Variants in PTPRT observed in about 807,000 individuals in gnomAD.
PTPRT encodes protein tyrosine phosphatase receptor type T.
PTPRT carries 56 observed loss-of-function variants against 176.8 expected under a neutral mutation model. That is an observed-to-expected ratio of 0.32 (90% CI 0.26 to 0.40). PTPRT has a LOEUF of 0.40. PTPRT is among the 10% of genes least tolerant of loss of function. PTPRT has a pLI of 1.00. For missense variants in PTPRT, 1,540 were observed against 1,908.2 expected (o/e 0.81, Z 3.60); for synonymous variants, 783 against 739.0 (o/e 1.06, Z -0.96).
intron 1 of PTPRT, among the ~76,000 whole-genome samples, chr20:43,088,201 G>A (rs1017209958): frequency 2.6e-5 from 4 of 152,140 alleles, no homozygotes; most frequent in Admixed American, 2.0e-4. Context: ...CAACTTGACT[G>A]AACTGCAATC....
chr20:42,990,297 G>A (rs925509474), intron 1 of PTPRT, among the ~76,000 whole-genome samples: 3 of 151,958 alleles, frequency 2.0e-5, no homozygotes, highest in Non-Finnish European at 4.4e-5. Flanking sequence ...CTAGAGAAAC[G>A]GTTGCCAACC....
At chr20:42,180,346 C>T (rs1169187365) in intron 16 of PTPRT, among the ~76,000 whole-genome samples, 2 of 152,282 alleles carry the variant, frequency 1.3e-5, no homozygotes, top group Admixed American at 6.5e-5. Flanking sequence ...ACATGGCTCA[C>T]ATCTGTTACC....
rs751405410 is a variant in PTPRT, at chr20:42,084,780, C to T, written c.4038G>A (p.Thr1346=). 1.2e-5 allele frequency: 18 copies of T among 1,555,688 alleles called. No homozygotes were observed. Among genetic ancestry groups the T allele is most frequent in the East Asian group, 4.7e-5 (2 of 42,756 alleles). The change falls in exon 29 of 31, where the codon ACG becomes ACA. Residue 1346 remains threonine, a synonymous_variant. Transcript: ENST00000373187. ...TGAGCAGAGAGCGCTTGGAGGGGGG[C>T]GTGTCCCGGTAGGCAGGCCAGCCAA... ...QYIGWPAYRD[T]PPSKRSLLKV...
chr20:42,359,373 C>T (rs542129840), intron 9 of PTPRT, among the ~76,000 whole-genome samples: 1 of 152,278 alleles, frequency 6.6e-6, no homozygotes, highest in East Asian at 1.9e-4. Context: ...TGAGTCCTGG[C>T]TGGAGAAGAA....
intron 1 of PTPRT, among the ~76,000 whole-genome samples, chr20:43,112,046 T>C (rs898954599): frequency 1.3e-5 from 2 of 152,176 alleles, no homozygotes; most frequent in African/African-American, 2.4e-5. Context: ...TCCAATCCAC[T>C]TGGGTGGGAC....
At chr20:42,786,204 TAA>T (rs2077288246) in intron 3 of PTPRT, among the ~76,000 whole-genome samples, 1 of 152,188 alleles carries the variant, frequency 6.6e-6, no homozygotes, top group Non-Finnish European at 1.5e-5. Context: ...CTTTTCTTTA[TAA>T]ATTACCCAGT....
intron 1 of PTPRT, among the ~76,000 whole-genome samples, chr20:42,922,923 T>C (rs1021772208): frequency 2.0e-5 from 3 of 151,972 alleles, no homozygotes; most frequent in Admixed American, 6.6e-5. Context: ...CTCAGGAAAA[T>C]CTTCCCTGAC....
At chr20:43,028,135 T>C (rs757551899) in intron 1 of PTPRT, among the ~76,000 whole-genome samples, 5 of 152,204 alleles carry the variant, frequency 3.3e-5, no homozygotes, top group Non-Finnish European at 7.3e-5. Context: ...ATCATACTTG[T>C]TCTTATACCA....
chr20:42,602,458 G>A (rs910255622), intron 7 of PTPRT, among the ~76,000 whole-genome samples: 3 of 151,944 alleles, frequency 2.0e-5, no homozygotes, highest in Admixed American at 6.6e-5. Context: ...ACTTTCTGCC[G>A]GACACTGGTC....
chr20:42,778,165 T>A (rs2077164049), intron 4 of PTPRT, among the ~76,000 whole-genome samples: 1 of 152,194 alleles, frequency 6.6e-6, no homozygotes, highest in Non-Finnish European at 1.5e-5. Flanking sequence ...TTCATGAGAC[T>A]TTGGGGGGTG....
intron 1 of PTPRT, among the ~76,000 whole-genome samples, chr20:43,041,838 CTACACTGGGAAA>C (rs1986619208): frequency 6.6e-6 from 1 of 152,204 alleles, no homozygotes; most frequent in Non-Finnish European, 1.5e-5. Flanking sequence ...TGCTTTCATG[CTACACTGGGAAA>C]ATTGAGTACA....
intron 4 of PTPRT, among the ~76,000 whole-genome samples, chr20:42,772,009 G>A: frequency 6.6e-6 from 1 of 152,214 alleles, no homozygotes; most frequent in East Asian, 1.9e-4. Flanking sequence ...TGGGGGGCAG[G>A]AGGGGTGTAT....
At chr20:42,648,980 G>T (rs956785143) in intron 7 of PTPRT, among the ~76,000 whole-genome samples, 1 of 151,726 alleles carries the variant, frequency 6.6e-6, no homozygotes, top group African/African-American at 2.4e-5. Flanking sequence ...CACCATGCCT[G>T]GCTAATTTTT....
chr20:42,459,141 T>C (rs2070974204), intron 8 of PTPRT, among the ~76,000 whole-genome samples: 1 of 152,172 alleles, frequency 6.6e-6, no homozygotes, highest in African/African-American at 2.4e-5. Context: ...CCATCCTGCT[T>C]ATTTGGCAGA....
chr20:43,098,830 T>C (rs2012276914), intron 1 of PTPRT, among the ~76,000 whole-genome samples: 1 of 152,188 alleles, frequency 6.6e-6, no homozygotes, highest in African/African-American at 2.4e-5. Context: ...CACTCAATAA[T>C]TGCATATCTA....
intron 16 of PTPRT, among the ~76,000 whole-genome samples, chr20:42,195,590 G>T (rs1455158552): frequency 6.6e-6 from 1 of 152,122 alleles, no homozygotes; most frequent in Non-Finnish European, 1.5e-5. Context: ...GTAGCCTGAG[G>T]ACGTCAGATG....
At chr20:42,255,449 G>A (rs908844485) in intron 13 of PTPRT, among the ~76,000 whole-genome samples, 9 of 152,100 alleles carry the variant, frequency 5.9e-5, no homozygotes, top group African/African-American at 2.2e-4. Flanking sequence ...GGTTTTTTGT[G>A]TCTATGAACT....
intron 12 of PTPRT, among the ~76,000 whole-genome samples, chr20:42,285,776 T>C (rs1373777973): frequency 7.0e-6 from 1 of 143,450 alleles, no homozygotes. Flanking sequence ...TGATCTTATG[T>C]ATACGAAAAA....
intron 1 of PTPRT, among the ~76,000 whole-genome samples, chr20:43,053,339 G>A (rs1284718639): frequency 6.6e-6 from 1 of 152,090 alleles, no homozygotes; most frequent in African/African-American, 2.4e-5. Context: ...ACTCCTCTTT[G>A]GTCCCTTGCC....
Sources: allele counts gnomAD v4.1 joint callset (sites outside exome capture counted in the v4.1 genomes callset), GRCh38; gene constraint gnomAD v4.1.1; transcripts MANE v1.5; gene names NCBI Gene and HGNC (gene_info 2026-07-23, HGNC 2026-07-21).